The following CNTLN variants were observed in gnomAD, a reference collection of about 807,000 sequenced individuals.
CNTLN encodes centlein, centrosomal protein.
In CNTLN, 212 loss-of-function variants were observed where a neutral mutation model predicts 180.0. The ratio of observed to expected loss-of-function variants is 1.18; its 90% CI spans 1.05 to 1.32. The LOEUF is 1.32. Ranked by LOEUF, CNTLN falls within the 40% of genes most tolerant of loss-of-function variation. CNTLN has a pLI of 0.00. For missense variants in CNTLN, 2,095 were observed against 1,610.9 expected (o/e 1.30, Z -5.14); for synonymous variants, 722 against 563.1 (o/e 1.28, Z -3.99).
At chr9:17,476,019 T>C (rs1027119654) in intron 23 of CNTLN, among the ~76,000 whole-genome samples, 9 of 152,208 alleles carry the variant, frequency 5.9e-5, no homozygotes, top group Non-Finnish European at 7.3e-5. Context: ...CAAGCAAATC[T>C]GCCAGCTCTA....
rs192368411 is a variant in CNTLN at position 17,348,694 on chromosome 9, C to A, written c.1886+6250C>A. The stretch of plus-strand genomic sequence containing the variant: ...TATAGGCATGCGTCACCACGCGGGG[C>A]AAATTTTTGTATTTTCTGTAGAGAT... On this transcript the variant is annotated intron_variant, in intron 12 of 25. Coordinates refer to ENST00000380647, the MANE Select transcript of CNTLN (RefSeq NM_017738.4). 2.0e-4 allele frequency among the ~76,000 whole-genome samples: 31 copies of A among 152,106 alleles called. No individual in the cohort carries two copies. In the East Asian group the frequency reaches 6.0e-3, roughly 30 times the overall value.
chr9:17,249,525 A>G (rs1015939166), intron 5 of CNTLN, among the ~76,000 whole-genome samples: 4 of 151,274 alleles, frequency 2.6e-5, no homozygotes, highest in African/African-American at 9.7e-5. Flanking sequence ...ATTTTTTTGT[A>G]TTTTTAGTAG....
At chr9:17,269,146 A>T (rs552645374) in intron 5 of CNTLN, among the ~76,000 whole-genome samples, 2 of 148,438 alleles carry the variant, frequency 1.3e-5, no homozygotes, top group South Asian at 4.2e-4. Context: ...TGGGAACTGT[A>T]GACCGGAGCT....
chr9:17,469,657 A>C (rs1564133184), intron 23 of CNTLN, among the ~76,000 whole-genome samples: 1 of 151,818 alleles, frequency 6.6e-6, no homozygotes, highest in Non-Finnish European at 1.5e-5. Context: ...GCTGAAGTCT[A>C]ATCTTCTTTC....
intron 5 of CNTLN, among the ~76,000 whole-genome samples, chr9:17,272,106 C>G (rs1827992171): frequency 6.7e-6 from 1 of 148,770 alleles, no homozygotes; most frequent in Admixed American, 6.7e-5. Flanking sequence ...CCCTCCCTCC[C>G]TCCCTCCCTT....
chr9:17,271,807 C>A (rs1827966947), intron 5 of CNTLN, among the ~76,000 whole-genome samples: 1 of 152,164 alleles, frequency 6.6e-6, no homozygotes, highest in African/African-American at 2.4e-5. Flanking sequence ...ACTTATCAAG[C>A]CACCATCAGC....
At chr9:17,162,146 G>C (rs1410017680) in intron 2 of CNTLN, among the ~76,000 whole-genome samples, 1 of 151,352 alleles carries the variant, frequency 6.6e-6, no homozygotes. Flanking sequence ...ACAGAGTCTC[G>C]CTCTGTCACT....
At chr9:17,344,347 A>G (rs1287671950) in intron 12 of CNTLN, among the ~76,000 whole-genome samples, 1 of 152,210 alleles carries the variant, frequency 6.6e-6, no homozygotes, top group Non-Finnish European at 1.5e-5. Flanking sequence ...TGTGAGAGCA[A>G]TTTGTGAAAT....
intron 23 of CNTLN, among the ~76,000 whole-genome samples, chr9:17,478,912 A>G (rs1429195700): frequency 6.6e-6 from 1 of 152,254 alleles, no homozygotes; most frequent in Non-Finnish European, 1.5e-5. Flanking sequence ...ACTTTAATAC[A>G]GACTTCTCCA....
At chr9:17,491,304 G>C (rs947929029) in intron 25 of CNTLN, among the ~76,000 whole-genome samples, 9 of 152,038 alleles carry the variant, frequency 5.9e-5, no homozygotes, top group Non-Finnish European at 1.3e-4. Context: ...GAATAAAAGA[G>C]ATAAAAATTC....
At chr9:17,397,980 A>AT (rs1001914859) in intron 15 of CNTLN, among the ~76,000 whole-genome samples, 111 of 152,178 alleles carry the variant, frequency 7.3e-4, no homozygotes, top group African/African-American at 2.6e-3. Context: ...TTAGATTTTT[A>AT]TAGACAAAAA....
At chr9:17,462,821 G>A (rs559195184) in intron 19 of CNTLN, 95 bp from the exon 20 acceptor site, 16 of 457,394 alleles carry the variant, frequency 3.5e-5, no homozygotes, top group African/African-American at 3.3e-4. Flanking sequence ...CATAATTATT[G>A]TAGAGGTATT....
At chr9:17,426,200 C>G (rs1395069128) in intron 18 of CNTLN, among the ~76,000 whole-genome samples, 1 of 152,132 alleles carries the variant, frequency 6.6e-6, no homozygotes, top group East Asian at 1.9e-4. Flanking sequence ...GCCAATAGAT[C>G]TATTTAACTA....
chr9:17,411,029 C>T (rs1161595043), intron 16 of CNTLN, among the ~76,000 whole-genome samples: 1 of 151,956 alleles, frequency 6.6e-6, no homozygotes, highest in Non-Finnish European at 1.5e-5. Flanking sequence ...TCTACAAAAA[C>T]TTTTTTTGGG....
At chr9:17,306,400 C>T (rs141573534) in intron 7 of CNTLN, among the ~76,000 whole-genome samples, 15 of 152,264 alleles carry the variant, frequency 9.9e-5, no homozygotes, top group East Asian at 5.8e-4. Flanking sequence ...CCGCCAGCCT[C>T]GGTCTCCCAA....
chr9:17,179,513 AT>A (rs1820987875), intron 2 of CNTLN, among the ~76,000 whole-genome samples: 1 of 152,032 alleles, frequency 6.6e-6, no homozygotes, highest in Non-Finnish European at 1.5e-5. Flanking sequence ...TTTTAGTTTG[AT>A]TTCATATGGT....
intron 7 of CNTLN, chr9:17,300,998 G>T: frequency 1.0e-6 from 1 of 984,312 alleles, no homozygotes; most frequent in Non-Finnish European, 1.2e-6. Context: ...AGCAAGAAAA[G>T]AATGATGTAT....
chr9:17,171,109 C>A (rs1199796912), intron 2 of CNTLN, among the ~76,000 whole-genome samples: 1 of 152,294 alleles, frequency 6.6e-6, no homozygotes, highest in South Asian at 2.1e-4. Flanking sequence ...TTAAGTTACA[C>A]GTGACTGTAT....
intron 18 of CNTLN, among the ~76,000 whole-genome samples, chr9:17,425,511 G>T (rs1271987008): frequency 1.3e-5 from 2 of 152,168 alleles, no homozygotes; most frequent in Non-Finnish European, 1.5e-5. Flanking sequence ...CAGTCTGGTG[G>T]TTTGTTTTGA....
Sources: gnomAD v4.1 joint callset for allele counts (sites outside exome capture counted in the v4.1 genomes callset) on GRCh38, gnomAD v4.1.1 for gene constraint, MANE v1.5 for transcripts, NCBI Gene and HGNC (gene_info 2026-07-23, HGNC 2026-07-21) for gene names.